The following ADAMTSL1 variants were observed in gnomAD, a reference collection of about 807,000 sequenced individuals.
ADAMTSL1 encodes the protein ADAMTS like 1.
In ADAMTSL1, 126 loss-of-function variants were observed where a neutral mutation model predicts 201.8. That is an observed-to-expected ratio of 0.62 (90% confidence interval 0.54 to 0.72). The LOEUF is 0.72. Among genes scored for constraint, ADAMTSL1 ranks in the 30% least tolerant of loss-of-function variants. The probability of loss-of-function intolerance (pLI) is 0.00; values close to 1 mark genes in which losing one functional copy is unlikely to be tolerated. For missense variants in ADAMTSL1, 2,679 were observed against 2,277.8 expected (o/e 1.18, Z -3.59); for synonymous variants, 1,121 against 903.4 (o/e 1.24, Z -4.32).
At chr9:18,905,942 G>T (rs1830285135) in intron 27 of ADAMTSL1, 51 bp downstream of exon 27, 1 of 1,439,854 alleles carries the variant, frequency 6.9e-7, no homozygotes. Context: ...CAACAGCACG[G>T]AAAGATGGTG....
chr9:18,725,678 A>G (rs1269658495), intron 15 of ADAMTSL1, among the ~76,000 whole-genome samples: 1 of 152,184 alleles, frequency 6.6e-6, no homozygotes, highest in Non-Finnish European at 1.5e-5. Context: ...ACTCAAGCAC[A>G]GCAGAATAAA....
At chr9:17,984,747 G>A (rs920413370) in intron 1 of ADAMTSL1, among the ~76,000 whole-genome samples, 3 of 152,106 alleles carry the variant, frequency 2.0e-5, no homozygotes, top group Admixed American at 6.6e-5. Flanking sequence ...TGGCATCCAG[G>A]CATTTTCCGA....
At chr9:18,646,007 C>T (rs1827786737) in intron 7 of ADAMTSL1, among the ~76,000 whole-genome samples, 1 of 152,122 alleles carries the variant, frequency 6.6e-6, no homozygotes, top group Admixed American at 6.5e-5. Context: ...GATACTGATT[C>T]TTCCTATCCA....
chr9:18,392,776 A>G (rs951947444), intron 2 of ADAMTSL1, among the ~76,000 whole-genome samples: 1 of 152,234 alleles, frequency 6.6e-6, no homozygotes, highest in Non-Finnish European at 1.5e-5. Flanking sequence ...GAAAAAAATA[A>G]TAATCTTCTT....
At chr9:18,842,763 T>G (rs1825810571) in intron 23 of ADAMTSL1, among the ~76,000 whole-genome samples, 1 of 152,230 alleles carries the variant, frequency 6.6e-6, no homozygotes, top group Non-Finnish European at 1.5e-5. Context: ...CTCTTCTTGT[T>G]GAATTGATCC....
chr9:18,764,185 A>C (rs547446319), intron 16 of ADAMTSL1, among the ~76,000 whole-genome samples: 1 of 152,260 alleles, frequency 6.6e-6, no homozygotes, highest in South Asian at 2.1e-4. Context: ...AGTGTCTTAA[A>C]CTTTTCATTA....
chr9:18,623,524 C>A (rs928912352), intron 5 of ADAMTSL1, among the ~76,000 whole-genome samples: 1 of 152,080 alleles, frequency 6.6e-6, no homozygotes, highest in Non-Finnish European at 1.5e-5. Flanking sequence ...GGGACATTTG[C>A]AAAGCAGATA....
At chr9:18,095,670 C>G (rs956702225) in intron 1 of ADAMTSL1, among the ~76,000 whole-genome samples, 4 of 152,028 alleles carry the variant, frequency 2.6e-5, no homozygotes, top group Admixed American at 6.6e-5. Flanking sequence ...GTGATCCACC[C>G]GCCTCAGCCT....
intron 2 of ADAMTSL1, among the ~76,000 whole-genome samples, chr9:18,297,671 C>G (rs1833527037): frequency 6.6e-6 from 1 of 150,976 alleles, no homozygotes; most frequent in South Asian, 2.1e-4. Flanking sequence ...TGGTTAGGCT[C>G]CCAAATACCT....
intron 5 of ADAMTSL1, among the ~76,000 whole-genome samples, chr9:18,624,383 A>G (rs2132688570): frequency 6.6e-6 from 1 of 152,308 alleles, no homozygotes; most frequent in African/African-American, 2.4e-5. Flanking sequence ...TCATGGTTGG[A>G]TGTTAGAAAA....
chr9:18,724,545 T>A (rs1275434362), intron 15 of ADAMTSL1, among the ~76,000 whole-genome samples: 1 of 152,238 alleles, frequency 6.6e-6, no homozygotes. Context: ...AGTGCCTACA[T>A]TTTTTAGAAC....
At chr9:17,959,966 T>C (rs983252238) in intron 1 of ADAMTSL1, among the ~76,000 whole-genome samples, 5 of 152,084 alleles carry the variant, frequency 3.3e-5, no homozygotes, top group African/African-American at 4.8e-5. Flanking sequence ...GGTGGTGTAT[T>C]AGTTAGGATT....
chr9:18,654,045 T>C (rs1328830302), intron 7 of ADAMTSL1, among the ~76,000 whole-genome samples: 1 of 152,244 alleles, frequency 6.6e-6, no homozygotes, highest in Admixed American at 6.5e-5. Flanking sequence ...CTTGCCAACA[T>C]GGCAAAACCT....
At chr9:18,448,812 A>T (rs1022400800) in intron 2 of ADAMTSL1, among the ~76,000 whole-genome samples, 1 of 152,166 alleles carries the variant, frequency 6.6e-6, no homozygotes, top group Non-Finnish European at 1.5e-5. Flanking sequence ...TACTGCAAAA[A>T]ATATATAGAA....
chr9:18,098,902 C>T (rs1376339279), intron 1 of ADAMTSL1, among the ~76,000 whole-genome samples: 2 of 152,148 alleles, frequency 1.3e-5, no homozygotes, highest in African/African-American at 4.8e-5. Flanking sequence ...AAACAAAGAT[C>T]CAGGTCAATT....
At chr9:18,476,716 C>T (rs1398351902) in intron 1 of ADAMTSL1, among the ~76,000 whole-genome samples, 1 of 151,946 alleles carries the variant, frequency 6.6e-6, no homozygotes, top group East Asian at 1.9e-4. Flanking sequence ...AGGATTCTGT[C>T]TATTCTTGGA....
In ADAMTSL1 at chr9:18,207,333, C is replaced by T. The variant is rs185427957; in HGVS notation, c.207+43352C>T. Among the ~76,000 whole-genome samples the T allele has an allele frequency of 3.3e-5, 5 of 152,222 alleles. No individual in the cohort carries two copies. In the East Asian group the frequency reaches 7.7e-4, roughly 24 times the overall value. On this transcript the variant is annotated intron_variant, in intron 2 of 29. Coordinates refer to the ADAMTSL1 transcript ENST00000680146. ...TTGGGCACTTGTGTGATTTGTCAGA[C>T]AGTACGTCTTATAATATGGTATCTC...
intron 2 of ADAMTSL1, among the ~76,000 whole-genome samples, chr9:18,508,637 A>G (rs1328551697): frequency 1.3e-5 from 2 of 152,362 alleles, no homozygotes; most frequent in African/African-American, 2.4e-5. Context: ...TTCAGCTATC[A>G]AAGTTCATGG....
chr9:17,976,176 C>G (rs1216359576), intron 1 of ADAMTSL1, among the ~76,000 whole-genome samples: 1 of 151,792 alleles, frequency 6.6e-6, no homozygotes, highest in Admixed American at 6.6e-5. Context: ...CAGCTTTGTT[C>G]TTGTTCAAGA....
Sources: gnomAD v4.1 joint callset for allele counts (sites outside exome capture counted in the v4.1 genomes callset) on GRCh38, gnomAD v4.1.1 for gene constraint, MANE v1.5 for transcripts, NCBI Gene and HGNC (gene_info 2026-07-23, HGNC 2026-07-21) for gene names.